EML6: variants seen among roughly 807,000 people sequenced by gnomAD.
EML6 encodes the protein echinoderm microtubule-associated protein-like 6.
EML6 carries 154 observed loss-of-function variants against 240.1 expected under a neutral mutation model. The observed-to-expected ratio is 0.64, with a 90% CI of 0.56 to 0.73. The LOEUF (loss-of-function observed/expected upper bound fraction) is 0.73, where lower values mean the gene tolerates loss of function less well. Among genes scored for constraint, EML6 ranks in the 30% least tolerant of loss-of-function variants. The pLI, the probability that EML6 is intolerant of heterozygous loss-of-function variation, is 0.00. For synonymous variants in EML6, 1,148 were observed against 899.0 expected (o/e 1.28, Z -4.95); for missense variants, 2,964 against 2,474.6 (o/e 1.20, Z -4.20).
At chr2:54,731,538 G>T (rs551409534) in intron 2 of EML6, among the ~76,000 whole-genome samples, 2 of 152,008 alleles carry the variant, frequency 1.3e-5, no homozygotes, top group South Asian at 4.2e-4. Context: ...CTACTTGGGA[G>T]CCTGGAAGGT....
chr2:54,890,911 A>G (rs967898068), intron 17 of EML6, 143 bp from the exon 18 acceptor site: 1 of 455,434 alleles, frequency 2.2e-6, no homozygotes, highest in Non-Finnish European at 3.9e-6. Context: ...ATTTTAATGT[A>G]GATGCCCGTG....
intron 6 of EML6, among the ~76,000 whole-genome samples, chr2:54,828,575 C>G (rs543686164): frequency 6.6e-6 from 1 of 152,214 alleles, no homozygotes; most frequent in Non-Finnish European, 1.5e-5. Flanking sequence ...TATGACATTT[C>G]AGATCTTTCA....
At position 54,919,547 on chromosome 2, in the gene EML6, C is replaced by T. The variant is rs144948422; in HGVS notation, c.3675+2612C>T. Among the ~76,000 whole-genome samples, 577 of 152,292 alleles carry T rather than the reference C, an allele frequency of 3.8e-3. 8 individuals carry two copies. The highest frequency in any genetic ancestry group is 0.013 in the African/African-American group (545 of 41,554). ...GCCCATCCCAAAGCCGCCTGGCAAC[C>T]TTCTGCCAATGATCTGTCACTTACC... On this transcript the variant is annotated intron_variant, in intron 26 of 41. Coordinates refer to ENST00000356458, the MANE Select transcript of EML6 (RefSeq NM_001039753.4).
chr2:54,869,339 C>T lies in EML6; in HGVS notation c.2210C>T (p.Pro737Leu), dbSNP rs1671135935. 5 of 1,551,442 alleles carry T rather than the reference C, an allele frequency of 3.2e-6. No homozygotes were observed. The highest frequency in any genetic ancestry group is 4.4e-6 in the Non-Finnish European group (5 of 1,146,816). Residue 737 changes from proline (P) to leucine (L), a missense_variant, in exon 15 of 42, where the codon CCA becomes CTA. By Grantham distance (98) the Pro-to-Leu change is moderately conservative. Transcript: ENST00000356458. ...GACATTCTCAGCCTGACCATCCATC[C>T]AGTGAAGGACTATGTGGCTACTGGG... ...DDDILSLTIH[P>L]VKDYVATGQV...
chr2:54,834,025 C>A (rs1669006361), intron 7 of EML6, among the ~76,000 whole-genome samples: 1 of 152,090 alleles, frequency 6.6e-6, no homozygotes, highest in East Asian at 1.9e-4. Flanking sequence ...TTTCTGAATT[C>A]CAAAATGCAT....
At chr2:54,860,439 G>C (rs1670615070) in intron 12 of EML6, among the ~76,000 whole-genome samples, 1 of 152,104 alleles carries the variant, frequency 6.6e-6, no homozygotes, top group African/African-American at 2.4e-5. Flanking sequence ...CACATTTCCG[G>C]AGGCTACTTG....
intron 12 of EML6, among the ~76,000 whole-genome samples, chr2:54,863,512 C>T (rs775051433): frequency 6.6e-6 from 1 of 151,990 alleles, no homozygotes; most frequent in Non-Finnish European, 1.5e-5. Context: ...CAGACCCTGT[C>T]TCAAAAAAAG....
rs1359328762 is a variant in EML6 at position 54,954,071 on chromosome 2, C to T, written c.4401C>T (p.Tyr1467=). Residue 1467 remains tyrosine (Y), a synonymous_variant, in exon 32 of 42, where the codon TAC becomes TAT. Transcript: ENST00000356458. ...LRCFHSKGVN[Y]INFSATGKLL... ...GCTTCCACTCCAAGGGGGTGAATTACATCAACTTCAGTGCAACTGGAAAGC... is the reference window on the plus strand; with the variant it reads ...GCTTCCACTCCAAGGGGGTGAATTATATCAACTTCAGTGCAACTGGAAAGC... The T allele has an allele frequency of 2.6e-6, 4 of 1,551,802 alleles. No individual in the cohort carries two copies. Among genetic ancestry groups the T allele is most frequent in the Non-Finnish European group, 3.5e-6 (4 of 1,146,976 alleles).
chr2:54,785,012 A>G (rs528533512), intron 2 of EML6, among the ~76,000 whole-genome samples: 40 of 152,258 alleles, frequency 2.6e-4, no homozygotes, highest in African/African-American at 9.1e-4. Flanking sequence ...TTGTAATATG[A>G]TGACTTTTCT....
intron 2 of EML6, among the ~76,000 whole-genome samples, chr2:54,778,160 T>A (rs1668680326): frequency 6.6e-6 from 1 of 152,222 alleles, no homozygotes; most frequent in South Asian, 2.1e-4. Context: ...TCTCTAAATG[T>A]TTAGCTTATT....
intron 32 of EML6, among the ~76,000 whole-genome samples, chr2:54,956,663 G>A (rs1475171606): frequency 2.0e-5 from 3 of 152,080 alleles, no homozygotes; most frequent in Non-Finnish European, 2.9e-5. Flanking sequence ...AAGAGATTCT[G>A]TTAGGGAGTA....
chr2:54,940,339 A>T (rs575832256), intron 28 of EML6, among the ~76,000 whole-genome samples: 2 of 152,194 alleles, frequency 1.3e-5, no homozygotes, highest in African/African-American at 2.4e-5. Flanking sequence ...GCTTAAAAAA[A>T]TTTTATGGGG....
chr2:54,905,080 C>T (rs570793938), intron 24 of EML6, among the ~76,000 whole-genome samples: 1 of 152,132 alleles, frequency 6.6e-6, no homozygotes, highest in Non-Finnish European at 1.5e-5. Context: ...AAGTCTGTTT[C>T]GCTTTCATGT....
intron 39 of EML6, among the ~76,000 whole-genome samples, 200 bp from the exon 40 acceptor site, chr2:54,967,928 T>G (rs1194840940): frequency 6.6e-6 from 1 of 152,170 alleles, no homozygotes; most frequent in Non-Finnish European, 1.5e-5. Context: ...CAGGTGGTAA[T>G]GCTCCGCCAC....
intron 2 of EML6, among the ~76,000 whole-genome samples, chr2:54,772,210 C>T (rs949105930): frequency 3.9e-5 from 6 of 152,178 alleles, no homozygotes; most frequent in African/African-American, 1.4e-4. Context: ...GAAGGTAGTT[C>T]ATGATTCTTG....
intron 2 of EML6, among the ~76,000 whole-genome samples, chr2:54,751,871 T>C (rs903447822): frequency 3.9e-5 from 6 of 152,212 alleles, no homozygotes; most frequent in African/African-American, 1.4e-4. Context: ...GATGAAACTT[T>C]TATCATCCAG....
At chr2:54,963,581 G>A (rs556850187) in intron 36 of EML6, among the ~76,000 whole-genome samples, 19 of 152,328 alleles carry the variant, frequency 1.2e-4, no homozygotes, top group African/African-American at 4.3e-4. Context: ...CTAAAGAAGA[G>A]GTTGGCAATC....
intron 8 of EML6, 35 bp from the exon 9 acceptor site, chr2:54,847,451 G>T (rs148629250): frequency 6.5e-7 from 1 of 1,543,434 alleles, no homozygotes; most frequent in South Asian, 1.2e-5. Flanking sequence ...TGGGAAGTTG[G>T]TTTTGTTTTG....
chr2:54,766,095 C>A (rs1445688898), intron 2 of EML6, among the ~76,000 whole-genome samples: 2 of 152,110 alleles, frequency 1.3e-5, no homozygotes, highest in Non-Finnish European at 2.9e-5. Context: ...TATGTAGATA[C>A]ATATTTTTTT....
Sources: allele counts gnomAD v4.1 joint callset (sites outside exome capture counted in the v4.1 genomes callset), GRCh38; gene constraint gnomAD v4.1.1; transcripts MANE v1.5; gene names NCBI Gene and HGNC (gene_info 2026-07-23, HGNC 2026-07-21).